Variants in TRANK1 observed in about 807,000 individuals in gnomAD.
TRANK1 encodes the protein tetratricopeptide repeat and ankyrin repeat containing 1, also known as TPR and ankyrin repeat-containing protein 1.
A neutral mutation model predicts 266.0 loss-of-function variants in TRANK1; 198 were observed. That is an observed-to-expected ratio of 0.74 (90% confidence interval 0.66 to 0.84). The LOEUF is 0.84. Ranked by LOEUF, TRANK1 falls within the 40% of genes least tolerant of loss-of-function variation. The probability of loss-of-function intolerance (pLI) is 0.00; values close to 1 mark genes in which losing one functional copy is unlikely to be tolerated. For synonymous variants in TRANK1, 1,396 were observed against 1,384.1 expected (o/e 1.01, Z -0.19); for missense variants, 3,326 against 3,634.6 (o/e 0.92, Z 2.18).
intron 8 of TRANK1, chr3:36,880,326 C>G (rs545667355): frequency 2.5e-6 from 1 of 402,700 alleles, no homozygotes; most frequent in African/African-American, 2.1e-5. Context: ...CATCGATTCT[C>G]CACTGCTGTC....
At chr3:36,915,893 TG>T (rs2125641511) in intron 1 of TRANK1, among the ~76,000 whole-genome samples, 1 of 152,278 alleles carries the variant, frequency 6.6e-6, no homozygotes, top group East Asian at 1.9e-4. Flanking sequence ...GCAAAAGCTC[TG>T]AGCTTCACAG....
chr3:36,918,606 G>GGAAA (rs1180042549), intron 1 of TRANK1, among the ~76,000 whole-genome samples: 359 of 22,094 alleles, frequency 0.016, 51 homozygotes, highest in Middle Eastern at 0.038. Context: ...AAGGAAGGAA[G>GGAAA]GAAAGAAAGA....
chr3:36,832,487 C>T lies in TRANK1; in HGVS notation c.7096G>A (p.Glu2366Lys), dbSNP rs2078710221. The change falls in exon 22 of 24, where the codon GAG (glutamate) becomes AAG (lysine). Residue 2366 changes from glutamate (E) to lysine (K), a missense_variant. By Grantham distance (56) the Glu-to-Lys change is moderately conservative. Coordinates refer to ENST00000645898, the MANE Select transcript of TRANK1 (RefSeq NM_001329998.2). ...DNYNRELKAL[E>K]SEKDERGRGR... is the part of the protein sequence containing the mutation. ...CTGCCCCTTTCATCCTTTTCAGACT[C>T]TAGAGCTTTGAGTTCCCTGTTGTAG... 6.2e-7 allele frequency: 1 copy of T among 1,613,830 alleles called. No homozygotes were observed. Among genetic ancestry groups the T allele is most frequent in the African/African-American group, 1.3e-5 (1 of 74,876 alleles).
At chr3:36,937,176 C>A (rs578214215) in intron 1 of TRANK1, among the ~76,000 whole-genome samples, 1 of 152,190 alleles carries the variant, frequency 6.6e-6, no homozygotes, top group Admixed American at 6.5e-5. Flanking sequence ...AGTCATTCAA[C>A]CTCCAAAGAG....
intron 8 of TRANK1, among the ~76,000 whole-genome samples, chr3:36,883,489 A>G (rs1016503048): frequency 1.3e-5 from 2 of 151,674 alleles, no homozygotes; most frequent in Non-Finnish European, 2.9e-5. Flanking sequence ...AAGAAAGAAA[A>G]AAGAAAACGT....
chr3:36,876,779 G>A (rs925009570), intron 8 of TRANK1, among the ~76,000 whole-genome samples: 1 of 152,192 alleles, frequency 6.6e-6, no homozygotes, highest in Admixed American at 6.5e-5. Context: ...CCAAACTCTG[G>A]AGTCTTCAGT....
At chr3:36,921,736 G>A (rs140231313) in intron 1 of TRANK1, among the ~76,000 whole-genome samples, 131 of 152,298 alleles carry the variant, frequency 8.6e-4, no homozygotes, top group African/African-American at 3.1e-3. Flanking sequence ...GCTCTATAAT[G>A]GTAGGTGGCC....
intron 15 of TRANK1, 22 bp from the exon 16 acceptor site, chr3:36,847,368 A>G (rs1429083334): frequency 6.2e-7 from 1 of 1,612,286 alleles, no homozygotes; most frequent in Admixed American, 1.7e-5. Flanking sequence ...CAAAAAAGTG[A>G]AGACCAACAG....
Position 36,865,844 on chromosome 3 carries a change from G to T in TRANK1, c.1079-1364C>A, listed in dbSNP as rs533989771. On this transcript the variant is annotated intron_variant, in intron 9 of 23. Transcript: ENST00000645898. ...CTCAGGAGGCTGAGGCAGGAGGATT[G>T]CTTGAGCCCAGGAGGTTGAGGCGGC... is the stretch of plus-strand genomic sequence containing the variant. Among the ~76,000 whole-genome samples, 6 of 152,136 alleles carry T rather than the reference G, an allele frequency of 3.9e-5. No homozygotes were observed. In the East Asian group the frequency reaches 9.6e-4, roughly 24 times the overall value.
intron 9 of TRANK1, among the ~76,000 whole-genome samples, chr3:36,873,471 T>C (rs530475374): frequency 1.7e-4 from 26 of 152,348 alleles, no homozygotes; most frequent in African/African-American, 6.0e-4. Flanking sequence ...ATTTGGCGAT[T>C]CCTTTCTATA....
intron 1 of TRANK1, among the ~76,000 whole-genome samples, chr3:36,930,149 T>C (rs2080342008): frequency 6.6e-6 from 1 of 152,158 alleles, no homozygotes; most frequent in Non-Finnish European, 1.5e-5. Context: ...GCTGGGATTA[T>C]AGGCATGAAC....
chr3:36,838,318 C>G lies in TRANK1; in HGVS notation c.5517+54G>C, dbSNP rs1487062483. On this transcript the variant is annotated intron_variant, in intron 20 of 23. Coordinates refer to ENST00000645898, the MANE Select transcript of TRANK1 (RefSeq NM_001329998.2). The stretch of plus-strand genomic sequence containing the variant: ...GTAGAGGTCGAGCCTACCCCTCAAT[C>G]TGCTCAAGTGAAGCCCAGTTTTCCC... 1.2e-5 allele frequency: 19 copies of G among 1,602,876 alleles called. No individual in the cohort carries two copies. The Admixed American group carries it at 1.7e-4, about 14-fold the overall frequency.
At chr3:36,901,573 T>C (rs1284014459) in intron 3 of TRANK1, among the ~76,000 whole-genome samples, 1 of 152,226 alleles carries the variant, frequency 6.6e-6, no homozygotes, top group Non-Finnish European at 1.5e-5. Context: ...CTTTGACACA[T>C]AAAAGTGAAC....
rs1391771933 is a variant in TRANK1 at position 36,826,845 on chromosome 3, A to T, written c.*1430T>A. On this transcript the variant is annotated 3_prime_UTR_variant, in exon 24 of 24. Coordinates refer to ENST00000645898, the MANE Select transcript of TRANK1 (RefSeq NM_001329998.2). ...AAGAGAAATGCTTTAACTTTATAAAAAATGTGATAATACAGCAAGATATTG... is the reference window on the plus strand; with the variant it reads ...AAGAGAAATGCTTTAACTTTATAAATAATGTGATAATACAGCAAGATATTG... The T allele has an allele frequency of 6.6e-6, 1 of 152,250 alleles. No homozygotes were observed. The highest frequency in any genetic ancestry group is 1.5e-5 in the Non-Finnish European group (1 of 68,048). The allele number at this position is 152,250 out of a possible 1,614,324, so 9.4% of individuals were successfully genotyped here.
rs2079462245 is a variant in TRANK1, at chr3:36,879,743, A to AAAT, written c.908-5448_908-5447insATT. On this transcript the variant is annotated intron_variant, in intron 8 of 23. Coordinates refer to ENST00000645898, the MANE Select transcript of TRANK1 (RefSeq NM_001329998.2). ...ATATATAAATATATATAAATATACA[A>AAAT]ATATATAAATATATATAAATATATA... 1.1e-4 allele frequency among the ~76,000 whole-genome samples: 12 copies of AAAT among 105,374 alleles called. 1 individual carries two copies. The highest frequency in any genetic ancestry group is 5.1e-4 in the African/African-American group (12 of 23,474). 69.1% of individuals were successfully genotyped at this position (105,374 alleles called of 152,430 possible).
At chr3:36,858,969 A>G (rs770138719) in intron 11 of TRANK1, 75 bp from the exon 12 acceptor site, 16 of 1,406,414 alleles carry the variant, frequency 1.1e-5, no homozygotes, top group Middle Eastern at 2.4e-4. Flanking sequence ...GGAATGCTTC[A>G]GTTATTCAGT....
intron 4 of TRANK1, among the ~76,000 whole-genome samples, chr3:36,897,280 G>A (rs761697438): frequency 6.6e-6 from 1 of 152,196 alleles, no homozygotes; most frequent in Non-Finnish European, 1.5e-5. Flanking sequence ...ACTCCAGCCT[G>A]GCCCACAGAG....
Position 36,856,296 on chromosome 3 carries a change from T to C in TRANK1, c.3426A>G (p.Glu1142=), listed in dbSNP as rs2125543578. Residue 1142 remains glutamate (E), a synonymous_variant, in exon 13 of 24, where the codon GAA becomes GAG. Transcript: ENST00000645898. ...CTACTGTTTCCACTTCAATAGAATC[T>C]TCCTCTTCCTCGTCCTCTTCCTCCT... is the stretch of plus-strand genomic sequence containing the variant. The part of the protein sequence containing the change: ...EEEEEEDEEE[E]DSIEVETVES... The C allele has an allele frequency of 6.3e-7, 1 of 1,585,688 alleles. No homozygotes were observed. The highest frequency in any genetic ancestry group is 1.1e-5 in the South Asian group (1 of 88,276).
Position 36,832,933 on chromosome 3 carries a change from T to C in TRANK1, c.6650A>G (p.Glu2217Gly). 1.9e-6 allele frequency: 3 copies of C among 1,613,288 alleles called. No individual in the cohort carries two copies. The highest frequency in any genetic ancestry group is 2.5e-6 in the Non-Finnish European group (3 of 1,179,516). The stretch of plus-strand genomic sequence containing the variant: ...TTTCGACTGAACTAAACACTTGGCT[T>C]CACAACGCCGCAGAGGCCTGTGAAA... ...EHFHRPLRRC[E>G]AKCLVQSKMN... The change falls in exon 22 of 24, where the codon GAA (glutamate) becomes GGA (glycine). Residue 2217 changes from glutamate to glycine, a missense_variant. Physicochemically the swap from Glu to Gly is moderately conservative, Grantham distance 98. Transcript: ENST00000645898.
Sources: allele counts gnomAD v4.1 joint callset (sites outside exome capture counted in the v4.1 genomes callset), GRCh38; gene constraint gnomAD v4.1.1; transcripts MANE v1.5; gene names NCBI Gene and HGNC (gene_info 2026-07-23, HGNC 2026-07-21).